Variants in ALCAM observed in about 807,000 individuals in gnomAD.
ALCAM encodes the protein CD166 antigen.
A neutral mutation model predicts 70.9 loss-of-function variants in ALCAM; 30 were observed. The observed-to-expected ratio is 0.42, with a 90% CI of 0.32 to 0.57. The LOEUF is 0.57. ALCAM is among the 20% of genes least tolerant of loss of function. The probability of loss-of-function intolerance (pLI) is 0.11; values close to 1 mark genes in which losing one functional copy is unlikely to be tolerated. For missense variants in ALCAM, 591 were observed against 695.1 expected (o/e 0.85, Z 1.68); for synonymous variants, 249 against 242.5 (o/e 1.03, Z -0.25).
chr3:105,436,355 A>G (rs1937048426), intron 1 of ALCAM, among the ~76,000 whole-genome samples: 1 of 150,836 alleles, frequency 6.6e-6, no homozygotes, highest in South Asian at 2.1e-4. Flanking sequence ...TTATTTATTT[A>G]TTTTTGAGAC....
chr3:105,557,560 AT>A (rs1940546352), intron 14 of ALCAM, among the ~76,000 whole-genome samples: 1 of 152,224 alleles, frequency 6.6e-6, no homozygotes, highest in East Asian at 1.9e-4. Context: ...TTTTAAATAT[AT>A]TTTCCAAAGG....
At chr3:105,412,252 A>G (rs987831373) in intron 1 of ALCAM, among the ~76,000 whole-genome samples, 1 of 152,136 alleles carries the variant, frequency 6.6e-6, no homozygotes, top group Non-Finnish European at 1.5e-5. Flanking sequence ...TTCCTTCAGG[A>G]TTCTGTCTTA....
At chr3:105,421,869 G>T (rs544312785) in intron 1 of ALCAM, among the ~76,000 whole-genome samples, 9 of 150,954 alleles carry the variant, frequency 6.0e-5, no homozygotes, top group Non-Finnish European at 1.2e-4. Context: ...ATCTTTTGGG[G>T]TACAAGTTTT....
intron 1 of ALCAM, among the ~76,000 whole-genome samples, chr3:105,404,437 C>G (rs1936168472): frequency 2.0e-5 from 3 of 152,036 alleles, no homozygotes; most frequent in Admixed American, 1.3e-4. Context: ...TTTTTAGCCT[C>G]CTAAACAAAA....
At chr3:105,375,362 T>G (rs1285760583) in intron 1 of ALCAM, among the ~76,000 whole-genome samples, 3 of 152,208 alleles carry the variant, frequency 2.0e-5, no homozygotes, top group African/African-American at 7.2e-5. Context: ...CTTGGAGTAC[T>G]TCACTGTGAT....
At chr3:105,372,134 A>G (rs1295866126) in intron 1 of ALCAM, among the ~76,000 whole-genome samples, 1 of 152,110 alleles carries the variant, frequency 6.6e-6, no homozygotes, top group Non-Finnish European at 1.5e-5. Flanking sequence ...TTTTTTTATT[A>G]GGGTAGAATT....
At chr3:105,525,046 A>C in intron 3 of ALCAM, 2 of 866,032 alleles carry the variant, frequency 2.3e-6, no homozygotes, top group Non-Finnish European at 2.8e-6. Context: ...CAAATATTTT[A>C]TATATTATAT....
At chr3:105,567,613 T>A (rs187929147) in intron 14 of ALCAM, among the ~76,000 whole-genome samples, 139 of 152,332 alleles carry the variant, frequency 9.1e-4, no homozygotes, top group African/African-American at 3.2e-3. Flanking sequence ...AATATTCTAG[T>A]TTTCAGTCAT....
At chr3:105,514,299 T>G (rs1334477776) in intron 1 of ALCAM, among the ~76,000 whole-genome samples, 1 of 151,896 alleles carries the variant, frequency 6.6e-6, no homozygotes, top group African/African-American at 2.4e-5. Flanking sequence ...GAGATAGGCC[T>G]TAAAGGAAAC....
intron 1 of ALCAM, among the ~76,000 whole-genome samples, chr3:105,370,631 GAA>G (rs767031403): frequency 1.3e-5 from 2 of 151,614 alleles, no homozygotes; most frequent in Non-Finnish European, 2.9e-5. Context: ...TGTATTATTA[GAA>G]AAGTATCAGT....
chr3:105,504,160 GTA>G (rs1559813963), intron 1 of ALCAM, among the ~76,000 whole-genome samples: 3 of 152,088 alleles, frequency 2.0e-5, no homozygotes, highest in Non-Finnish European at 4.4e-5. Context: ...TGCGACAGGG[GTA>G]GTGGCTCGCT....
At chr3:105,461,049 G>T (rs867737816) in intron 1 of ALCAM, among the ~76,000 whole-genome samples, 8 of 146,012 alleles carry the variant, frequency 5.5e-5, no homozygotes, top group Admixed American at 3.4e-4. Context: ...GTGCGTTGGG[G>T]TGAATGTATT....
chr3:105,482,227 C>CTTT, intron 1 of ALCAM, among the ~76,000 whole-genome samples: 1 of 152,236 alleles, frequency 6.6e-6, no homozygotes, highest in East Asian at 1.9e-4. Flanking sequence ...ATCCTCCTAC[C>CTTT]TCAGTCTCTC....
chr3:105,425,028 T>C (rs868671411), intron 1 of ALCAM, among the ~76,000 whole-genome samples: 3 of 151,856 alleles, frequency 2.0e-5, no homozygotes, highest in African/African-American at 2.4e-5. Flanking sequence ...AATTTCACTA[T>C]ACTGCCTCCA....
intron 1 of ALCAM, among the ~76,000 whole-genome samples, chr3:105,504,529 C>T (rs1050093761): frequency 2.0e-5 from 3 of 150,432 alleles, no homozygotes; most frequent in African/African-American, 7.4e-5. Flanking sequence ...CCTAGCCTCT[C>T]CTTCAGCTGC....
intron 1 of ALCAM, among the ~76,000 whole-genome samples, chr3:105,428,107 C>A (rs536098211): frequency 6.6e-6 from 1 of 151,914 alleles, no homozygotes; most frequent in Non-Finnish European, 1.5e-5. Context: ...CTGGGAGTTG[C>A]TATGTGTTGT....
intron 3 of ALCAM, among the ~76,000 whole-genome samples, chr3:105,529,087 T>C (rs1939775540): frequency 6.6e-6 from 1 of 152,202 alleles, no homozygotes; most frequent in Admixed American, 6.5e-5. Context: ...CCCTATTCTA[T>C]AATTTTAAGC....
At chr3:105,572,844 A>C (rs1940886433) in intron 15 of ALCAM, among the ~76,000 whole-genome samples, 1 of 152,226 alleles carries the variant, frequency 6.6e-6, no homozygotes, top group African/African-American at 2.4e-5. Flanking sequence ...AATAATCATT[A>C]TCTTCTGAAT....
chr3:105,388,230 T>C (rs945563812), intron 1 of ALCAM, among the ~76,000 whole-genome samples: 3 of 151,536 alleles, frequency 2.0e-5, no homozygotes, highest in Non-Finnish European at 4.4e-5. Flanking sequence ...ATTAAACCTA[T>C]AGAATACAGT....
Sources: gnomAD v4.1 joint callset for allele counts (sites outside exome capture counted in the v4.1 genomes callset) on GRCh38, gnomAD v4.1.1 for gene constraint, MANE v1.5 for transcripts, NCBI Gene and HGNC (gene_info 2026-07-23, HGNC 2026-07-21) for gene names.